Variants in SF3B1 observed in about 807,000 individuals in gnomAD.
The protein encoded by SF3B1 is pre-mRNA processing 10.
SF3B1 carries 12 observed loss-of-function variants against 153.8 expected under a neutral mutation model. The ratio of observed to expected loss-of-function variants is 0.08; its 90% confidence interval spans 0.05 to 0.13. The LOEUF (loss-of-function observed/expected upper bound fraction) is 0.13, where lower values mean the gene tolerates loss of function less well. Among genes scored for constraint, SF3B1 ranks in the 10% least tolerant of loss-of-function variants. SF3B1 has a pLI of 1.00. For missense variants in SF3B1, 513 were observed against 1,606.1 expected (o/e 0.32, Z 11.63); for synonymous variants, 498 against 525.2 (o/e 0.95, Z 0.71).
At chr2:197,415,231 T>C (rs1304191500) in intron 6 of SF3B1, among the ~76,000 whole-genome samples, 2 of 150,808 alleles carry the variant, frequency 1.3e-5, no homozygotes, top group Non-Finnish European at 3.0e-5. Context: ...AAATGGTGCA[T>C]AAGCAAAAGA....
At chr2:197,424,698 C>A (rs1344002602) in intron 1 of SF3B1, among the ~76,000 whole-genome samples, 1 of 152,096 alleles carries the variant, frequency 6.6e-6, no homozygotes, top group Non-Finnish European at 1.5e-5. Flanking sequence ...TTTCCTGACA[C>A]CAGGTTAATT....
rs72912896 is a variant in SF3B1, at chr2:197,400,425, T to C, written c.2728A>G (p.Met910Val). Residue 910 changes from methionine to valine, a missense_variant, in exon 19 of 25, where the codon ATG becomes GTG. Coordinates refer to ENST00000335508, the MANE Select transcript of SF3B1 (RefSeq NM_012433.4). This position sits in a 1 kb window ranked among gnomAD's most constrained non-coding sequence, Gnocchi z 5.0. ...ACCACTGTGCCAAAGCCGTTCAACA[T>C]TACTGAGTCCTAAAAAATAAATTTA... ...FQEQTTEDSV[M>V]LNGFGTVVNA... 2 of 1,598,912 alleles carry C rather than the reference T, an allele frequency of 1.3e-6. No homozygotes were observed. Among genetic ancestry groups the C allele is most frequent in the Non-Finnish European group, 1.7e-6 (2 of 1,175,192 alleles).
intron 11 of SF3B1, 90 bp downstream of exon 11, chr2:197,404,986 T>A: frequency 2.3e-6 from 2 of 871,534 alleles, no homozygotes; most frequent in Non-Finnish European, 3.5e-6. Flanking sequence ...CTGGGCAACA[T>A]GGCAAAACCC....
intron 1 of SF3B1, among the ~76,000 whole-genome samples, chr2:197,426,935 C>T (rs1274010931): frequency 6.6e-6 from 1 of 152,148 alleles, no homozygotes; most frequent in Non-Finnish European, 1.5e-5. Flanking sequence ...TTGCTTTTTC[C>T]CCCTTATCAG....
At chr2:197,407,231 A>C (rs1252758187) in intron 9 of SF3B1, among the ~76,000 whole-genome samples, 4 of 152,228 alleles carry the variant, frequency 2.6e-5, no homozygotes, top group Non-Finnish European at 5.9e-5. Context: ...ATACGACCAC[A>C]GACTATCTTC....
chr2:197,417,459 T>C (rs2085165137), intron 5 of SF3B1, among the ~76,000 whole-genome samples: 2 of 150,660 alleles, frequency 1.3e-5, no homozygotes, highest in Admixed American at 6.7e-5. Context: ...TGGAGGAGGC[T>C]GGGTACGGTG....
At chr2:197,430,852 T>C (rs1334428278) in intron 1 of SF3B1, among the ~76,000 whole-genome samples, 3 of 151,866 alleles carry the variant, frequency 2.0e-5, no homozygotes, top group Non-Finnish European at 4.4e-5. Context: ...GGCTGGAGTA[T>C]AGCGCCAGCC....
At chr2:197,411,599 G>C (rs975557697) in intron 6 of SF3B1, among the ~76,000 whole-genome samples, 1 of 151,940 alleles carries the variant, frequency 6.6e-6, no homozygotes, top group South Asian at 2.1e-4. Context: ...GTGAACCCGG[G>C]AGGCAGAGTT....
At chr2:197,407,500 G>A (rs2085009495) in intron 9 of SF3B1, among the ~76,000 whole-genome samples, 1 of 151,702 alleles carries the variant, frequency 6.6e-6, no homozygotes, top group African/African-American at 2.4e-5. Context: ...AGGTACCTGG[G>A]AAACTCAGGC....
intron 6 of SF3B1, among the ~76,000 whole-genome samples, chr2:197,413,699 A>G (rs1242446159): frequency 6.6e-6 from 1 of 152,204 alleles, no homozygotes; most frequent in Non-Finnish European, 1.5e-5. Context: ...GCTCTTTAAT[A>G]TATTTAAAGG....
chr2:197,401,493 T>C lies in SF3B1; in HGVS notation c.2403A>G (p.Val801=). ...TCTCTGTTTTAATGTAGTTTGCTTC[T>C]ACACCATCTGTCCCACAACACTGTT... ...VVKQCCGTDG[V]EANYIKTEIL... is the part of the protein sequence containing the mutation. The change falls in exon 17 of 25, where the codon GTA becomes GTG. Residue 801 remains valine, a synonymous_variant. Transcript: ENST00000335508. The surrounding 1 kb of genome is among the most constrained non-coding windows in gnomAD (Gnocchi z 4.2). 1 of 1,611,962 alleles carries C rather than the reference T, an allele frequency of 6.2e-7. No individual in the cohort carries two copies. Among genetic ancestry groups the C allele is most frequent in the Non-Finnish European group, 8.5e-7 (1 of 1,178,652 alleles).
Position 197,401,562 on chromosome 2 carries a change from A to C in SF3B1, c.2371-37T>G. The C allele has an allele frequency of 6.3e-7, 1 of 1,589,636 alleles. No homozygotes were observed. Among genetic ancestry groups the C allele is most frequent in the Non-Finnish European group, 8.6e-7 (1 of 1,164,520 alleles). The stretch of plus-strand genomic sequence containing the variant: ...AGAAATAGTAATAATAAATCAACTG[A>C]CCTGAAATGAAGAGAATACTCATTG... On this transcript the variant is annotated intron_variant, in intron 16 of 24. Transcript: ENST00000335508. The surrounding 1 kb of genome is among the most constrained non-coding windows in gnomAD (Gnocchi z 4.2).
In SF3B1 at chr2:197,407,994, C is replaced by T; in HGVS notation, c.1239+4G>A. The T allele has an allele frequency of 6.2e-7, 1 of 1,609,750 alleles. No individual in the cohort carries two copies. The highest frequency in any genetic ancestry group is 1.1e-5 in the South Asian group (1 of 90,396). The stretch of plus-strand genomic sequence containing the variant: ...TACCACCTCATTCAAATTTGATGTA[C>T]TACCTTATATCCTTCTGGGAACATA... On this transcript the variant is annotated splice_donor_region_variant and intron_variant, in intron 9 of 24. Coordinates refer to ENST00000335508, the MANE Select transcript of SF3B1 (RefSeq NM_012433.4).
intron 9 of SF3B1, among the ~76,000 whole-genome samples, chr2:197,406,633 A>G (rs2084996661): frequency 1.3e-5 from 2 of 152,240 alleles, no homozygotes; most frequent in South Asian, 4.1e-4. Flanking sequence ...GAAATCAATG[A>G]CTACGACTGA....
Position 197,400,487 on chromosome 2 carries a change from G to A in SF3B1, c.2719-53C>T. ...TATTCATTTGGTTTATGACTGCACA[G>A]TTGAAATACACTAAGAGTCAACCTT... is the stretch of plus-strand genomic sequence containing the variant. On this transcript the variant is annotated intron_variant, in intron 18 of 24. Transcript: ENST00000335508. The surrounding 1 kb of genome is among the most constrained non-coding windows in gnomAD (Gnocchi z 5.0). 1 of 1,437,440 alleles carries A rather than the reference G, an allele frequency of 7.0e-7. No homozygotes were observed. Among genetic ancestry groups the A allele is most frequent in the Admixed American group, 2.1e-5 (1 of 46,658 alleles). The allele number at this position is 1,437,440 out of a possible 1,614,324, so 89.0% of individuals were successfully genotyped here. A position where few individuals can be genotyped will look rare whatever the true frequency, so the allele number is the denominator to read the frequency against.
chr2:197,406,267 G>GA (rs1012971282), intron 9 of SF3B1, among the ~76,000 whole-genome samples: 6 of 150,556 alleles, frequency 4.0e-5, no homozygotes, highest in African/African-American at 1.2e-4. Context: ...TATAGTAAAA[G>GA]AAAAAAAATA....
intron 1 of SF3B1, among the ~76,000 whole-genome samples, chr2:197,425,237 G>C (rs2085315301): frequency 6.6e-6 from 1 of 152,200 alleles, no homozygotes; most frequent in Admixed American, 6.5e-5. Flanking sequence ...AGGCCGAGGT[G>C]GGCAGATCAC....
At chr2:197,395,327 C>T (rs2084864308) in intron 23 of SF3B1, among the ~76,000 whole-genome samples, 1 of 152,138 alleles carries the variant, frequency 6.6e-6, no homozygotes. Flanking sequence ...GGTAACTTGT[C>T]GAGTCCAGTT....
chr2:197,413,973 A>C (rs2085110284), intron 6 of SF3B1, among the ~76,000 whole-genome samples: 1 of 151,998 alleles, frequency 6.6e-6, no homozygotes, highest in African/African-American at 2.4e-5. Flanking sequence ...TGCCGGGCTA[A>C]TTTTTGTATT....
Sources: allele counts gnomAD v4.1 joint callset (sites outside exome capture counted in the v4.1 genomes callset), GRCh38; gene constraint gnomAD v4.1.1; non-coding constraint Gnocchi (gnomAD v3.1); transcripts MANE v1.5; gene names NCBI Gene and HGNC (gene_info 2026-07-23, HGNC 2026-07-21).